Variants in IL1RAP observed in about 807,000 individuals in gnomAD.
IL1RAP encodes interleukin 1 receptor accessory protein.
A neutral mutation model predicts 60.7 loss-of-function variants in IL1RAP; 35 were observed. The ratio of observed to expected loss-of-function variants is 0.58; its 90% confidence interval spans 0.44 to 0.76. The LOEUF is 0.76. Among genes scored for constraint, IL1RAP ranks in the 30% least tolerant of loss-of-function variants. The pLI, the probability that IL1RAP is intolerant of heterozygous loss-of-function variation, is 0.00. For synonymous variants in IL1RAP, 268 were observed against 250.9 expected, an observed-to-expected ratio of 1.07 and a Z score of -0.64; for missense variants, 572 against 693.9, an observed-to-expected ratio of 0.82 and a Z score of 1.97.
chr3:190,572,975 T>C lies in IL1RAP; in HGVS notation c.64+8622T>C, dbSNP rs1451820100. Among the ~76,000 whole-genome samples the C allele has an allele frequency of 9.2e-4, 79 of 86,008 alleles. 17 individuals are homozygous for C. The highest frequency in any genetic ancestry group is 6.2e-4 in the Non-Finnish European group (25 of 40,134). The allele number at this position is 86,008 out of a possible 152,430, so 56.4% of individuals were successfully genotyped here. Reference sequence around the variant, plus strand: ...GCCTCCCGGGTTCACGCCATTCTCCTGCCTCAGCCTCCCGAGTAGCTGGGA... The same window carrying C: ...GCCTCCCGGGTTCACGCCATTCTCCCGCCTCAGCCTCCCGAGTAGCTGGGA... On this transcript the variant is annotated intron_variant, in intron 3 of 11. Coordinates refer to ENST00000447382, the MANE Select transcript of IL1RAP (RefSeq NM_002182.4).
At position 190,650,274 on chromosome 3, in the gene IL1RAP, T is replaced by TATATAA. The variant is rs1341795373; in HGVS notation, c.*1573_*1578dup. The TATATAA allele has an allele frequency of 2.0e-6, 2 of 985,042 alleles. No individual in the cohort carries two copies. Among genetic ancestry groups the TATATAA allele is most frequent in the Non-Finnish European group, 2.4e-6 (2 of 829,690 alleles). The allele number at this position is 985,042 out of a possible 1,614,324, so 61.0% of individuals were successfully genotyped here. A position where few individuals can be genotyped will look rare whatever the true frequency, so the allele number is the denominator to read the frequency against. On this transcript the variant is annotated 3_prime_UTR_variant, in exon 12 of 12. Coordinates refer to ENST00000447382, the MANE Select transcript of IL1RAP (RefSeq NM_002182.4). Reference sequence around the variant, plus strand: ...TCATAGTTCTTGCCTTCCCTAAGTTTATATAAATAACTTAAGTATTGCTAC... The same window carrying TATATAA: ...TCATAGTTCTTGCCTTCCCTAAGTTTATATAAATATAAATAACTTAAGTATTGCTAC...
At chr3:190,627,543 A>AT in intron 8 of IL1RAP, 94 bp downstream of exon 8, 6 of 1,402,110 alleles carry the variant, frequency 4.3e-6, no homozygotes, top group Non-Finnish European at 2.8e-6. Flanking sequence ...AAAAATTCTC[A>AT]TTTTTCCCTA....
intron 6 of IL1RAP, among the ~76,000 whole-genome samples, chr3:190,622,309 A>G (rs1416865079): frequency 1.3e-5 from 2 of 152,152 alleles, no homozygotes; most frequent in East Asian, 3.9e-4. Flanking sequence ...TATGCTCAAA[A>G]CACTTTTGTC....
chr3:190,568,150 C>T (rs1298920673), intron 3 of IL1RAP, among the ~76,000 whole-genome samples: 2 of 152,170 alleles, frequency 1.3e-5, no homozygotes, highest in African/African-American at 2.4e-5. Flanking sequence ...ACACACGGAT[C>T]TTTGAGAAAG....
chr3:190,538,180 T>C (rs910727749), intron 1 of IL1RAP, among the ~76,000 whole-genome samples: 1 of 152,134 alleles, frequency 6.6e-6, no homozygotes, highest in Non-Finnish European at 1.5e-5. Context: ...AGCCCTTTAT[T>C]TACACTTTAT....
chr3:190,582,189 T>C (rs932236462), intron 3 of IL1RAP, among the ~76,000 whole-genome samples: 9 of 152,210 alleles, frequency 5.9e-5, no homozygotes, highest in African/African-American at 2.2e-4. Flanking sequence ...ACAAGTTTCC[T>C]TTCTATTTCT....
intron 3 of IL1RAP, among the ~76,000 whole-genome samples, chr3:190,603,087 TA>T (rs1214333585): frequency 1.3e-5 from 2 of 152,150 alleles, no homozygotes; most frequent in African/African-American, 2.4e-5. Flanking sequence ...GAATAAATTA[TA>T]GAAGCCATTA....
downstream of IL1RAP, chr3:190,655,740 ATT>A: frequency 4.6e-6 from 3 of 646,756 alleles, no homozygotes; most frequent in South Asian, 2.0e-5. Context: ...AGTGGTGTAG[ATT>A]TTTTTGACTG....
intron 9 of IL1RAP, among the ~76,000 whole-genome samples, chr3:190,635,627 T>C (rs1307991357): frequency 6.6e-6 from 1 of 152,200 alleles, no homozygotes; most frequent in Admixed American, 6.5e-5. Flanking sequence ...TCAGTGTGTG[T>C]TTTTTAATTT....
At chr3:190,629,147 G>A (rs555385133) in intron 8 of IL1RAP, among the ~76,000 whole-genome samples, 73 of 152,346 alleles carry the variant, frequency 4.8e-4, no homozygotes, top group African/African-American at 1.7e-3. Context: ...ATGGGATAGT[G>A]TGTAGCGTAG....
chr3:190,565,236 G>A (rs1340334975), intron 3 of IL1RAP, among the ~76,000 whole-genome samples: 2 of 151,080 alleles, frequency 1.3e-5, no homozygotes, highest in Non-Finnish European at 2.9e-5. Flanking sequence ...TTCTCTAATT[G>A]TAATGAAGGG....
intron 3 of IL1RAP, among the ~76,000 whole-genome samples, chr3:190,572,185 A>G (rs1029163394): frequency 3.3e-5 from 5 of 152,224 alleles, no homozygotes; most frequent in African/African-American, 1.2e-4. Context: ...ACTTCAGACT[A>G]TCCCAAAATT....
chr3:190,587,807 A>G (rs936424639), intron 3 of IL1RAP, among the ~76,000 whole-genome samples: 1 of 152,244 alleles, frequency 6.6e-6, no homozygotes, highest in African/African-American at 2.4e-5. Context: ...GTCAGTGGAT[A>G]GAGGACTGAC....
chr3:190,553,018 G>A (rs1330272977), intron 1 of IL1RAP, among the ~76,000 whole-genome samples: 1 of 152,158 alleles, frequency 6.6e-6, no homozygotes, highest in East Asian at 1.9e-4. Context: ...ATCCAATGCA[G>A]TTTGTGGAGG....
intron 1 of IL1RAP, among the ~76,000 whole-genome samples, chr3:190,544,193 T>C (rs77532688): frequency 0.017 from 2,619 of 152,316 alleles, 77 homozygotes; most frequent in African/African-American, 0.057. Context: ...CTGGGTCTCA[T>C]AGGTGCTTAC....
At chr3:190,551,762 A>C (rs1247481361) in intron 1 of IL1RAP, among the ~76,000 whole-genome samples, 1 of 152,228 alleles carries the variant, frequency 6.6e-6, no homozygotes, top group Non-Finnish European at 1.5e-5. Flanking sequence ...GAAAAGGATT[A>C]AAACAAGTCA....
At chr3:190,532,041 C>T (rs550923196) in intron 1 of IL1RAP, among the ~76,000 whole-genome samples, 3 of 152,016 alleles carry the variant, frequency 2.0e-5, no homozygotes, top group Non-Finnish European at 4.4e-5. Context: ...GCCAAACCTA[C>T]CTGTAACTGG....
intron 1 of IL1RAP, among the ~76,000 whole-genome samples, chr3:190,516,729 GGA>G (rs1491467703): frequency 8.5e-6 from 1 of 117,940 alleles, no homozygotes; most frequent in African/African-American, 5.1e-5. Context: ...GTTCTAAAAT[GGA>G]AAAAAAAAAT....
chr3:190,609,164 A>G lies in IL1RAP; in HGVS notation c.520A>G (p.Thr174Ala). 6.2e-7 allele frequency: 1 copy of G among 1,610,172 alleles called. No homozygotes were observed. The highest frequency in any genetic ancestry group is 1.1e-5 in the South Asian group (1 of 90,606). ...DGYFPSSVKP[T>A]ITWYMGCYKI... ...ATATTTTCCTTCCAGTGTCAAACCG[A>G]CTATCACTTGGTATATGGTAAGGAA... The change falls in exon 5 of 12, where the codon ACT becomes GCT. Residue 174 changes from threonine (T) to alanine (A), a missense_variant. Physicochemically the swap from Thr to Ala is moderately conservative, Grantham distance 58 (BLOSUM62 0). Transcript: ENST00000447382.
Sources: allele counts gnomAD v4.1 joint callset (sites outside exome capture counted in the v4.1 genomes callset), GRCh38; gene constraint gnomAD v4.1.1; transcripts MANE v1.5; gene names NCBI Gene and HGNC (gene_info 2026-07-23, HGNC 2026-07-21).